Variants in LRRC4C observed in about 807,000 individuals in gnomAD.
LRRC4C encodes leucine-rich repeat-containing protein 4C.
Under a neutral mutation model 33.6 loss-of-function variants are expected in LRRC4C, and 5 were observed. That is an observed-to-expected ratio of 0.15 (90% CI 0.08 to 0.31). The LOEUF (loss-of-function observed/expected upper bound fraction) is 0.31. Among genes scored for constraint, LRRC4C ranks in the 10% least tolerant of loss-of-function variants. The probability of loss-of-function intolerance (pLI) is 1.00; values close to 1 mark genes in which losing one functional copy is unlikely to be tolerated. For synonymous variants in LRRC4C, 329 were observed against 302.0 expected (o/e 1.09, Z -0.93); for missense variants, 560 against 796.7 (o/e 0.70, Z 3.58).
At chr11:40,622,431 T>A (rs1028636522) in intron 3 of LRRC4C, among the ~76,000 whole-genome samples, 1 of 151,862 alleles carries the variant, frequency 6.6e-6, no homozygotes, top group Non-Finnish European at 1.5e-5. Flanking sequence ...TTTTGTCTTC[T>A]GCCTCAAAAT....
intron 1 of LRRC4C, among the ~76,000 whole-genome samples, chr11:41,399,658 G>C (rs1359899559): frequency 6.6e-6 from 1 of 151,908 alleles, no homozygotes. Flanking sequence ...GCCACAAGAA[G>C]AGAACATAAA....
chr11:40,745,149 G>A (rs535971077), intron 2 of LRRC4C, among the ~76,000 whole-genome samples: 1 of 152,244 alleles, frequency 6.6e-6, no homozygotes, highest in African/African-American at 2.4e-5. Flanking sequence ...GTTTAATGGC[G>A]ATACGCAGAA....
At chr11:40,839,796 T>C (rs773758747) in intron 2 of LRRC4C, among the ~76,000 whole-genome samples, 83 of 152,192 alleles carry the variant, frequency 5.5e-4, no homozygotes, top group Non-Finnish European at 1.3e-4. Flanking sequence ...AGGGTGGGCA[T>C]ATACCCGGTG....
At position 41,007,673 on chromosome 11, in the gene LRRC4C, A is replaced by G. The variant is rs534173724; in HGVS notation, c.-495-73950T>C. Among the ~76,000 whole-genome samples the G allele has an allele frequency of 3.3e-5, 5 of 152,284 alleles. No homozygotes were observed. In the South Asian group the frequency reaches 1.0e-3, roughly 32 times the overall value. ...GATGTATAATGGTGATATTGTTTTTAAAAAGGCTTTCTAAATAGATTTTTA... is the reference window on the plus strand; with the variant it reads ...GATGTATAATGGTGATATTGTTTTTGAAAAGGCTTTCTAAATAGATTTTTA... On this transcript the variant is annotated intron_variant, in intron 1 of 6. Coordinates refer to ENST00000528697, the MANE Select transcript of LRRC4C (RefSeq NM_001258419.2).
At chr11:40,721,297 T>A (rs1265005838) in intron 2 of LRRC4C, among the ~76,000 whole-genome samples, 1 of 152,172 alleles carries the variant, frequency 6.6e-6, no homozygotes, top group African/African-American at 2.4e-5. Context: ...TGTTTTCCAT[T>A]TGTGCCCTCT....
chr11:40,203,919 C>A (rs1862953472), intron 5 of LRRC4C, among the ~76,000 whole-genome samples: 1 of 152,050 alleles, frequency 6.6e-6, no homozygotes, highest in Non-Finnish European at 1.5e-5. Flanking sequence ...GATATTTTAT[C>A]TTATTTTATT....
At chr11:40,447,739 T>G (rs1314527576) in intron 3 of LRRC4C, among the ~76,000 whole-genome samples, 2 of 152,166 alleles carry the variant, frequency 1.3e-5, no homozygotes, top group African/African-American at 4.8e-5. Flanking sequence ...GTGGAGGAAG[T>G]GGACCCATCT....
intron 2 of LRRC4C, among the ~76,000 whole-genome samples, chr11:40,757,772 T>G (rs1949023412): frequency 6.6e-6 from 1 of 151,972 alleles, no homozygotes; most frequent in Non-Finnish European, 1.5e-5. Context: ...GCAGAGAAGT[T>G]CCAGACAAAG....
In LRRC4C at chr11:40,313,736, T is replaced by C. The variant is rs552093848; in HGVS notation, c.-176+5892A>G. The stretch of plus-strand genomic sequence containing the variant: ...CATTCTCTTGCCTCAGTCTCCCAAG[T>C]AGCTGGGACTACAGGCGCCCGCCAT... On this transcript the variant is annotated intron_variant, in intron 4 of 6. Coordinates refer to ENST00000528697, the MANE Select transcript of LRRC4C (RefSeq NM_001258419.2). Among the ~76,000 whole-genome samples the C allele has an allele frequency of 2.8e-3, 426 of 151,100 alleles. 6 individuals carry two copies. Among genetic ancestry groups the C allele is most frequent in the African/African-American group, 9.9e-3 (404 of 40,996 alleles).
chr11:40,569,918 T>A (rs569077101), intron 3 of LRRC4C, among the ~76,000 whole-genome samples: 2 of 151,430 alleles, frequency 1.3e-5, no homozygotes, highest in Non-Finnish European at 2.9e-5. Context: ...CTGAGAAATA[T>A]TCATAAAAGG....
chr11:40,129,059 C>T (rs1466359688), intron 6 of LRRC4C, among the ~76,000 whole-genome samples: 2 of 152,062 alleles, frequency 1.3e-5, no homozygotes, highest in Non-Finnish European at 2.9e-5. Context: ...CAGTATTCAC[C>T]TAGAACAGTA....
chr11:40,392,617 A>G (rs1038463762), intron 3 of LRRC4C, among the ~76,000 whole-genome samples: 3 of 152,126 alleles, frequency 2.0e-5, no homozygotes, highest in African/African-American at 4.8e-5. Context: ...GATTCCTACT[A>G]TCTGATAGCT....
chr11:41,079,624 C>G (rs1462213), intron 1 of LRRC4C, among the ~76,000 whole-genome samples: 76,394 of 151,906 alleles, frequency 0.5, 20,041 homozygotes, highest in South Asian at 0.68. Context: ...AAAAACATCA[C>G]TGGAAGAGCT....
At chr11:40,591,203 G>A (rs556150576) in intron 3 of LRRC4C, among the ~76,000 whole-genome samples, 70 of 152,256 alleles carry the variant, frequency 4.6e-4, no homozygotes, top group African/African-American at 1.4e-3. Context: ...TAAGCCCGTC[G>A]GAAAAGCGCA....
intron 6 of LRRC4C, among the ~76,000 whole-genome samples, chr11:40,118,081 A>C (rs2134619395): frequency 6.7e-6 from 1 of 148,744 alleles, no homozygotes; most frequent in African/African-American, 2.4e-5. Context: ...TCATATATTT[A>C]GATTTATAAT....
At chr11:41,437,425 G>GCACACACACA (rs58445388) in intron 1 of LRRC4C, among the ~76,000 whole-genome samples, 15 of 149,252 alleles carry the variant, frequency 1.0e-4, no homozygotes, top group African/African-American at 3.2e-4. Context: ...GCGCGCGCGC[G>GCACACACACA]CACACACACA....
intron 3 of LRRC4C, among the ~76,000 whole-genome samples, chr11:40,488,110 A>G (rs1953958057): frequency 6.6e-6 from 1 of 152,140 alleles, no homozygotes; most frequent in Non-Finnish European, 1.5e-5. Context: ...TTTTAGCTGT[A>G]ACACATGACC....
At chr11:40,970,783 T>C (rs988513257) in intron 1 of LRRC4C, among the ~76,000 whole-genome samples, 1 of 152,104 alleles carries the variant, frequency 6.6e-6, no homozygotes, top group Admixed American at 6.6e-5. Context: ...TGGACCCAGA[T>C]GGAAATGAGG....
intron 3 of LRRC4C, among the ~76,000 whole-genome samples, chr11:40,455,174 A>G (rs750071530): frequency 6.6e-6 from 1 of 152,194 alleles, no homozygotes. Context: ...TGCCTGGGCC[A>G]TAAGGGAAAT....
Sources: gnomAD v4.1 joint callset for allele counts (sites outside exome capture counted in the v4.1 genomes callset) on GRCh38, gnomAD v4.1.1 for gene constraint, MANE v1.5 for transcripts, NCBI Gene and HGNC (gene_info 2026-07-23, HGNC 2026-07-21) for gene names.